CAMK1D: variants seen among roughly 807,000 people sequenced by gnomAD.
CAMK1D encodes calcium/calmodulin dependent protein kinase ID, also known as calcium/calmodulin-dependent protein kinase type 1D.
A neutral mutation model predicts 47.7 loss-of-function variants in CAMK1D; 9 were observed. The observed-to-expected ratio is 0.19, with a 90% confidence interval of 0.11 to 0.33. The LOEUF is 0.33. Among genes scored for constraint, CAMK1D ranks in the 10% least tolerant of loss-of-function variants. The pLI, the probability that CAMK1D is intolerant of heterozygous loss-of-function variation, is 1.00. For synonymous variants in CAMK1D, 184 were observed against 184.9 expected (o/e 0.99, Z 0.04); for missense variants, 291 against 488.7 (o/e 0.60, Z 3.81).
chr10:12,751,930 A>C (rs972576730), intron 3 of CAMK1D, among the ~76,000 whole-genome samples: 1 of 152,032 alleles, frequency 6.6e-6, no homozygotes, highest in Non-Finnish European at 1.5e-5. Flanking sequence ...TAGACAGGCA[A>C]TATTTGTTTT....
intron 2 of CAMK1D, among the ~76,000 whole-genome samples, chr10:12,635,579 G>C (rs7917530): frequency 0.12 from 17,933 of 152,086 alleles, 1,221 homozygotes; most frequent in South Asian, 0.21. Flanking sequence ...CATCTTGCTG[G>C]GGGGGAAGAG....
intron 9 of CAMK1D, 119 bp from the exon 10 acceptor site, chr10:12,825,454 T>G: frequency 5.3e-5 from 49 of 923,394 alleles, no homozygotes; most frequent in East Asian, 1.0e-4. Flanking sequence ...TTGAGTAGCA[T>G]GAGAATGATG....
intron 3 of CAMK1D, among the ~76,000 whole-genome samples, chr10:12,745,797 T>G (rs1211681382): frequency 1.3e-5 from 2 of 152,004 alleles, no homozygotes; most frequent in Non-Finnish European, 2.9e-5. Flanking sequence ...AGAGATGGGA[T>G]TTCACCATGT....
chr10:12,557,768 G>C (rs764737419), intron 2 of CAMK1D, among the ~76,000 whole-genome samples: 2 of 152,074 alleles, frequency 1.3e-5, no homozygotes, highest in African/African-American at 2.4e-5. Flanking sequence ...TTCCATGGAA[G>C]TAGGCCCATT....
chr10:12,555,373 C>G (rs45468797), intron 2 of CAMK1D, among the ~76,000 whole-genome samples: 6,341 of 152,292 alleles, frequency 0.042, 207 homozygotes, highest in East Asian at 0.13. Context: ...TGTTTGAGAA[C>G]AAACAGGTCT....
At chr10:12,678,711 A>G (rs1449129142) in intron 3 of CAMK1D, among the ~76,000 whole-genome samples, 1 of 152,198 alleles carries the variant, frequency 6.6e-6, no homozygotes, top group Non-Finnish European at 1.5e-5. Context: ...TAACACTTTT[A>G]TCATTATATA....
At chr10:12,625,107 C>G (rs1409241024) in intron 2 of CAMK1D, among the ~76,000 whole-genome samples, 1 of 152,026 alleles carries the variant, frequency 6.6e-6, no homozygotes, top group African/African-American at 2.4e-5. Flanking sequence ...GAGGCCAAGG[C>G]AGGCAGATCA....
At chr10:12,415,176 A>G (rs1027642321) in intron 1 of CAMK1D, among the ~76,000 whole-genome samples, 1 of 151,564 alleles carries the variant, frequency 6.6e-6, no homozygotes, top group Non-Finnish European at 1.5e-5. Context: ...CAGTCTATTA[A>G]TATCACTTAA....
chr10:12,412,660 A>T, intron 1 of CAMK1D, among the ~76,000 whole-genome samples: 1 of 133,820 alleles, frequency 7.5e-6, no homozygotes, highest in Non-Finnish European at 1.6e-5. Context: ...GTGTCACTGC[A>T]CTCCAGCCTG....
intron 2 of CAMK1D, among the ~76,000 whole-genome samples, chr10:12,567,132 G>A (rs61848325): frequency 6.6e-6 from 1 of 152,224 alleles, no homozygotes; most frequent in Non-Finnish European, 1.5e-5. Flanking sequence ...TCTCGGAAGT[G>A]CAGTGGGAAG....
rs768770172 is a variant in CAMK1D, at chr10:12,553,228, G to A, written c.96G>A (p.Gly32=). ...TTTTTTCCTTCTTTGTTCACAGCGG[G>A]GCCTTTTCCGAAGTGGTTTTAGCTG... ...IFEFKETLGT[G]AFSEVVLAEE... The change falls in exon 2 of 11, where the codon GGG becomes GGA. Residue 32 remains glycine, a synonymous_variant. Coordinates refer to ENST00000619168, the MANE Select transcript of CAMK1D (RefSeq NM_153498.4). 2.5e-6 allele frequency: 4 copies of A among 1,614,130 alleles called. No homozygotes were observed. Among genetic ancestry groups the A allele is most frequent in the Non-Finnish European group, 3.4e-6 (4 of 1,179,998 alleles).
At chr10:12,607,009 G>A (rs1414256921) in intron 2 of CAMK1D, among the ~76,000 whole-genome samples, 1 of 152,006 alleles carries the variant, frequency 6.6e-6, no homozygotes, top group Non-Finnish European at 1.5e-5. Flanking sequence ...TGTATTTTTA[G>A]TAGAGACGGG....
At chr10:12,631,871 A>G (rs1435169588) in intron 2 of CAMK1D, among the ~76,000 whole-genome samples, 1 of 152,170 alleles carries the variant, frequency 6.6e-6, no homozygotes, top group East Asian at 1.9e-4. Context: ...CCACTACCTG[A>G]AAGTTTCTCC....
At chr10:12,610,487 C>G (rs761908668) in intron 2 of CAMK1D, among the ~76,000 whole-genome samples, 2 of 152,154 alleles carry the variant, frequency 1.3e-5, no homozygotes, top group Non-Finnish European at 2.9e-5. Flanking sequence ...CACCATGTTA[C>G]CGTGAAGAAG....
chr10:12,528,464 G>A (rs1273082313), intron 1 of CAMK1D, among the ~76,000 whole-genome samples: 1 of 152,206 alleles, frequency 6.6e-6, no homozygotes, highest in Admixed American at 6.5e-5. Context: ...GCATTCTATA[G>A]TACAGACAAG....
chr10:12,747,660 T>TA (rs1339890114), intron 3 of CAMK1D, among the ~76,000 whole-genome samples: 1 of 152,086 alleles, frequency 6.6e-6, no homozygotes, highest in African/African-American at 2.4e-5. Flanking sequence ...ACAATTGACT[T>TA]ACATGGTTAG....
chr10:12,505,711 T>A (rs1238178845), intron 1 of CAMK1D, among the ~76,000 whole-genome samples: 2 of 152,226 alleles, frequency 1.3e-5, no homozygotes, highest in Non-Finnish European at 2.9e-5. Flanking sequence ...TAATTACGCT[T>A]CTCAGAGCAG....
chr10:12,444,016 GTAACT>G (rs1832860122), intron 1 of CAMK1D, among the ~76,000 whole-genome samples: 1 of 152,120 alleles, frequency 6.6e-6, no homozygotes, highest in Non-Finnish European at 1.5e-5. Context: ...ACCATATAGG[GTAACT>G]TCCTGTCGTT....
intron 2 of CAMK1D, among the ~76,000 whole-genome samples, chr10:12,654,136 A>T (rs552196094): frequency 1.3e-5 from 2 of 152,342 alleles, no homozygotes; most frequent in East Asian, 3.9e-4. Flanking sequence ...TGCTTCCTGA[A>T]TTCAAGCCCA....
Sources: allele counts gnomAD v4.1 joint callset (sites outside exome capture counted in the v4.1 genomes callset), GRCh38; gene constraint gnomAD v4.1.1; transcripts MANE v1.5; gene names NCBI Gene and HGNC (gene_info 2026-07-23, HGNC 2026-07-21).